Variants in GALNT13 observed in about 807,000 individuals in gnomAD.
GALNT13 encodes the protein UDP-GalNAc:polypeptide N-acetylgalactosaminyltransferase 13.
Under a neutral mutation model 64.2 loss-of-function variants are expected in GALNT13, and 28 were observed. The ratio of observed to expected loss-of-function variants is 0.44; its 90% CI spans 0.32 to 0.60. GALNT13 has a LOEUF of 0.60. GALNT13 is among the 20% of genes least tolerant of loss of function. GALNT13 has a pLI of 0.05. For missense variants in GALNT13, 577 were observed against 669.8 expected (o/e 0.86, Z 1.53); for synonymous variants, 214 against 224.6 (o/e 0.95, Z 0.42).
the GALNT13 span, among the ~76,000 whole-genome samples, chr2:153,142,370 GA>G: frequency 6.6e-6 from 1 of 151,994 alleles, no homozygotes; most frequent in Non-Finnish European, 1.5e-5. Context: ...ACACATGGAG[GA>G]AGGTAGAGAA....
At chr2:153,644,044 A>G in the GALNT13 span, among the ~76,000 whole-genome samples, 3 of 151,978 alleles carry the variant, frequency 2.0e-5, no homozygotes, top group Non-Finnish European at 2.9e-5. Flanking sequence ...AACACTGCTC[A>G]GGAGATCTTA....
At chr2:153,395,041 A>G in the GALNT13 span, among the ~76,000 whole-genome samples, 2 of 152,182 alleles carry the variant, frequency 1.3e-5, no homozygotes, top group Admixed American at 6.5e-5. Context: ...GCTGTCAGCT[A>G]GAGACCACTC....
rs775341273 is a variant in GALNT13, at chr2:154,417,517, A to AT, written c.1395+8438dup. Among the ~76,000 whole-genome samples the AT allele has an allele frequency of 2.9e-4, 37 of 127,124 alleles. 1 individual carries two copies. The highest frequency in any genetic ancestry group is 9.1e-4 in the East Asian group (4 of 4,376). 83.4% of individuals were successfully genotyped at this position (127,124 alleles called of 152,430 possible). ...TATTTATTTATTTATTTATTTATTT[A>AT]TTTATTTTTTTGAGGCGGAGTCTTG... On this transcript the variant is annotated intron_variant, in intron 11 of 12. Coordinates refer to ENST00000392825, the MANE Select transcript of GALNT13 (RefSeq NM_052917.4).
chr2:153,436,021 A>G, the GALNT13 span, among the ~76,000 whole-genome samples: 8 of 152,060 alleles, frequency 5.3e-5, no homozygotes, highest in Non-Finnish European at 1.2e-4. Context: ...TAATTTGTTG[A>G]GAGTTTTTAG....
At chr2:154,389,748 CAA>C (rs1054749668) in intron 9 of GALNT13, among the ~76,000 whole-genome samples, 2 of 151,984 alleles carry the variant, frequency 1.3e-5, no homozygotes, top group African/African-American at 4.8e-5. Context: ...ACCAGGGAGA[CAA>C]GAGAGCAGTC....
At chr2:154,446,792 T>C (rs1301086561) in intron 12 of GALNT13, 2 of 1,465,478 alleles carry the variant, frequency 1.4e-6, no homozygotes, top group Non-Finnish European at 1.8e-6. Flanking sequence ...TTATTAAATT[T>C]ATTTTAGCAT....
chr2:153,756,116 C>T, the GALNT13 span, among the ~76,000 whole-genome samples: 1 of 152,144 alleles, frequency 6.6e-6, no homozygotes, highest in East Asian at 1.9e-4. Context: ...GTCTTTCTTA[C>T]CTTCTCTGAT....
chr2:153,560,585 G>T, the GALNT13 span, among the ~76,000 whole-genome samples: 2 of 151,708 alleles, frequency 1.3e-5, no homozygotes, highest in Non-Finnish European at 2.9e-5. Flanking sequence ...ATTTATTAAA[G>T]ATTTATTTCT....
intron 9 of GALNT13, among the ~76,000 whole-genome samples, chr2:154,369,806 T>C (rs868027750): frequency 1.1e-4 from 17 of 152,300 alleles, no homozygotes; most frequent in Middle Eastern, 3.4e-3. Context: ...AAGGTGTCAA[T>C]GAAGTTTCAT....
At chr2:153,599,735 T>C in the GALNT13 span, among the ~76,000 whole-genome samples, 18 of 152,174 alleles carry the variant, frequency 1.2e-4, no homozygotes, top group East Asian at 3.3e-3. Flanking sequence ...ATTATCATAA[T>C]ATATAGTATT....
At chr2:153,183,940 T>C in the GALNT13 span, among the ~76,000 whole-genome samples, 3 of 152,176 alleles carry the variant, frequency 2.0e-5, no homozygotes, top group Non-Finnish European at 4.4e-5. Context: ...CTTTGGATTA[T>C]CTCAGCTATG....
At chr2:153,718,245 G>A in the GALNT13 span, among the ~76,000 whole-genome samples, 1 of 152,012 alleles carries the variant, frequency 6.6e-6, no homozygotes, top group Non-Finnish European at 1.5e-5. Context: ...GTTTGTTAAT[G>A]GTCCAATGCA....
the GALNT13 span, among the ~76,000 whole-genome samples, chr2:153,701,157 A>G: frequency 1.3e-5 from 2 of 152,156 alleles, no homozygotes; most frequent in Non-Finnish European, 2.9e-5. Context: ...ATAAACACCA[A>G]TGGAACAGAA....
chr2:153,229,543 G>T, the GALNT13 span, among the ~76,000 whole-genome samples: 1 of 152,284 alleles, frequency 6.6e-6, no homozygotes, highest in East Asian at 1.9e-4. Context: ...TTTTAAAATT[G>T]TTGGTAGAAT....
chr2:153,716,689 A>G, the GALNT13 span, among the ~76,000 whole-genome samples: 2 of 152,180 alleles, frequency 1.3e-5, no homozygotes, highest in Non-Finnish European at 2.9e-5. Flanking sequence ...TCAATGGTTC[A>G]CTAATAATTT....
the GALNT13 span, among the ~76,000 whole-genome samples, chr2:153,450,699 C>T: frequency 6.6e-6 from 1 of 151,806 alleles, no homozygotes; most frequent in African/African-American, 2.4e-5. Flanking sequence ...AAGCATTTTA[C>T]AATGAAGTGA....
the GALNT13 span, among the ~76,000 whole-genome samples, chr2:153,495,818 GT>G: frequency 7.8e-3 from 1,182 of 152,314 alleles, 6 homozygotes; most frequent in Middle Eastern, 0.017. Flanking sequence ...TGTGATGGCT[GT>G]TTTCTGTGTA....
chr2:154,100,342 G>A (rs188056619), intron 3 of GALNT13, among the ~76,000 whole-genome samples: 1 of 152,114 alleles, frequency 6.6e-6, no homozygotes, highest in East Asian at 1.9e-4. Flanking sequence ...TTTGAGGATG[G>A]GATGTTTATC....
chr2:154,158,359 C>T (rs948422078), intron 4 of GALNT13, among the ~76,000 whole-genome samples: 3 of 152,146 alleles, frequency 2.0e-5, no homozygotes, highest in Non-Finnish European at 4.4e-5. Flanking sequence ...GACTCATCAT[C>T]TCATTAAAAA....
Sources: allele counts gnomAD v4.1 joint callset (sites outside exome capture counted in the v4.1 genomes callset), GRCh38; gene constraint gnomAD v4.1.1; transcripts MANE v1.5; gene names NCBI Gene and HGNC (gene_info 2026-07-23, HGNC 2026-07-21).